ZBTB16: variants seen among roughly 807,000 people sequenced by gnomAD.
The protein encoded by ZBTB16 is zinc finger and BTB domain-containing protein 16.
In ZBTB16, 8 loss-of-function variants were observed where a neutral mutation model predicts 56.8. The ratio of observed to expected loss-of-function variants is 0.14; its 90% confidence interval spans 0.08 to 0.25. ZBTB16 has a LOEUF of 0.25. Among genes scored for constraint, ZBTB16 ranks in the 10% least tolerant of loss-of-function variants. ZBTB16 has a pLI of 1.00. For missense variants in ZBTB16, 625 were observed against 903.0 expected (o/e 0.69, Z 3.95); for synonymous variants, 363 against 368.5 (o/e 0.98, Z 0.17).
At chr11:114,121,324 G>A (rs564189141) in intron 2 of ZBTB16, among the ~76,000 whole-genome samples, 25 of 152,266 alleles carry the variant, frequency 1.6e-4, no homozygotes, top group Admixed American at 1.0e-3. Context: ...CCAGGGCACC[G>A]TGGCTTCTGA....
chr11:114,211,271 T>C (rs1943993835), intron 4 of ZBTB16, among the ~76,000 whole-genome samples: 1 of 152,188 alleles, frequency 6.6e-6, no homozygotes, highest in Non-Finnish European at 1.5e-5. Flanking sequence ...CAGAAATCCA[T>C]AGACTTGGTG....
intron 2 of ZBTB16, among the ~76,000 whole-genome samples, chr11:114,109,206 T>C (rs913722663): frequency 2.6e-5 from 4 of 152,238 alleles, no homozygotes; most frequent in African/African-American, 9.6e-5. Flanking sequence ...TCCATCTGAA[T>C]GTGGCAGTTG....
intron 4 of ZBTB16, among the ~76,000 whole-genome samples, chr11:114,190,640 GA>G (rs1263210252): frequency 6.6e-6 from 1 of 152,006 alleles, no homozygotes; most frequent in Non-Finnish European, 1.5e-5. Flanking sequence ...TTAGGTCTCT[GA>G]AAAGCGGCAT....
chr11:114,216,177 C>G (rs1001324517), intron 4 of ZBTB16, among the ~76,000 whole-genome samples: 13 of 152,176 alleles, frequency 8.5e-5, no homozygotes, highest in African/African-American at 2.9e-4. Flanking sequence ...CCCAGTGCAC[C>G]CTTTCCCTTG....
chr11:114,175,049 T>C (rs1943073101), intron 3 of ZBTB16, among the ~76,000 whole-genome samples: 1 of 152,240 alleles, frequency 6.6e-6, no homozygotes, highest in African/African-American at 2.4e-5. Context: ...AGCCTTGGTT[T>C]CTTCACCTGT....
At chr11:114,066,157 G>A (rs1178478423) in intron 2 of ZBTB16, among the ~76,000 whole-genome samples, 2 of 152,154 alleles carry the variant, frequency 1.3e-5, no homozygotes, top group South Asian at 2.1e-4. Context: ...CCTGTTGCTC[G>A]TTCAGGTACG....
chr11:114,077,274 A>G (rs2137687199), intron 2 of ZBTB16, among the ~76,000 whole-genome samples: 1 of 152,044 alleles, frequency 6.6e-6, no homozygotes, highest in Non-Finnish European at 1.5e-5. Context: ...CTCTAAGTGT[A>G]ATTCTTTTGT....
intron 2 of ZBTB16, among the ~76,000 whole-genome samples, chr11:114,148,374 T>C (rs1942169694): frequency 7.0e-6 from 1 of 142,204 alleles, no homozygotes; most frequent in Non-Finnish European, 1.5e-5. Flanking sequence ...CCTTCCTTCC[T>C]TCCTTCCTTC....
intron 4 of ZBTB16, among the ~76,000 whole-genome samples, chr11:114,207,982 C>T (rs1333243651): frequency 6.6e-6 from 1 of 152,208 alleles, no homozygotes; most frequent in Non-Finnish European, 1.5e-5. Context: ...CTCCTGACCT[C>T]AGGTGATCCA....
chr11:114,115,553 C>T (rs970302799), intron 2 of ZBTB16, among the ~76,000 whole-genome samples: 1 of 152,096 alleles, frequency 6.6e-6, no homozygotes, highest in African/African-American at 2.4e-5. Flanking sequence ...CGCGCTGTGC[C>T]TCTTCTCTGG....
At chr11:114,114,649 G>T (rs1399689908) in intron 2 of ZBTB16, among the ~76,000 whole-genome samples, 1 of 151,838 alleles carries the variant, frequency 6.6e-6, no homozygotes, top group Non-Finnish European at 1.5e-5. Context: ...TTGCATAGAG[G>T]TCCTACAGAT....
chr11:114,165,278 G>C (rs544298453), intron 3 of ZBTB16, among the ~76,000 whole-genome samples: 9 of 152,314 alleles, frequency 5.9e-5, no homozygotes, highest in Admixed American at 5.2e-4. Context: ...GGGCCAGAGT[G>C]GGGCTTCTCT....
intron 4 of ZBTB16, among the ~76,000 whole-genome samples, chr11:114,221,949 G>A (rs1209882112): frequency 6.6e-6 from 1 of 152,156 alleles, no homozygotes; most frequent in Non-Finnish European, 1.5e-5. Context: ...ATGGGTACGT[G>A]GCAAGAGGAG....
intron 2 of ZBTB16, among the ~76,000 whole-genome samples, chr11:114,120,490 C>T (rs550881324): frequency 3.2e-4 from 49 of 152,236 alleles, no homozygotes; most frequent in African/African-American, 1.1e-3. Context: ...CCTTTAAAGC[C>T]GAATCCTCTT....
rs189406328 is a variant in ZBTB16, at chr11:114,095,316, A to G, written c.1268+30748A>G. 4.9e-3 allele frequency among the ~76,000 whole-genome samples: 625 copies of G among 127,830 alleles called. 3 individuals are homozygous for G. Among genetic ancestry groups the G allele is most frequent in the African/African-American group, 0.018 (581 of 32,212 alleles). The allele number at this position is 127,830 out of a possible 152,430, so 83.9% of individuals were successfully genotyped here. On this transcript the variant is annotated intron_variant, in intron 2 of 6. Transcript: ENST00000335953. ...TGCTCTGTCACCCAGGCTGGAGTGC[A>G]GTGGCTCGATCTCGGCTCACTGCAA...
intron 2 of ZBTB16, among the ~76,000 whole-genome samples, chr11:114,145,102 C>T (rs1432816514): frequency 6.6e-6 from 1 of 152,220 alleles, no homozygotes; most frequent in African/African-American, 2.4e-5. Context: ...AAAGAAGCCT[C>T]AGAACTGTAT....
chr11:114,087,429 C>T (rs972345484), intron 2 of ZBTB16, among the ~76,000 whole-genome samples: 2 of 152,148 alleles, frequency 1.3e-5, no homozygotes, highest in Admixed American at 1.3e-4. Flanking sequence ...TGTGTTTGAG[C>T]TAGTTCAACA....
chr11:114,231,727 T>A (rs1434152772), intron 4 of ZBTB16, among the ~76,000 whole-genome samples: 1 of 152,178 alleles, frequency 6.6e-6, no homozygotes, highest in African/African-American at 2.4e-5. Context: ...TCCTTTTAGT[T>A]AAAGAGATTC....
In ZBTB16 at chr11:114,240,496, A is replaced by G. The variant is rs146889682; in HGVS notation, c.1454-1671A>G. Among the ~76,000 whole-genome samples, 582 of 123,816 alleles carry G rather than the reference A, an allele frequency of 4.7e-3. 9 individuals are homozygous for G. The highest frequency in any genetic ancestry group is 0.039 in the East Asian group (143 of 3,674). 81.2% of individuals were successfully genotyped at this position (123,816 alleles called of 152,430 possible). A position where few individuals can be genotyped will look rare whatever the true frequency, so the allele number is the denominator to read the frequency against. ...GACTGGACTGACAGATGCTAGGCCT[A>G]CTTACGTTTCCTGCTTGTGCCTTCC... On this transcript the variant is annotated intron_variant, in intron 4 of 6. Transcript: ENST00000335953.
Sources: allele counts gnomAD v4.1 joint callset (sites outside exome capture counted in the v4.1 genomes callset), GRCh38; gene constraint gnomAD v4.1.1; transcripts MANE v1.5; gene names NCBI Gene and HGNC (gene_info 2026-07-23, HGNC 2026-07-21).